Variants in TMC1 observed in about 807,000 individuals in gnomAD.
TMC1 encodes the protein transmembrane channel-like protein 1.
Under a neutral mutation model 105.8 loss-of-function variants are expected in TMC1, and 84 were observed. The ratio of observed to expected loss-of-function variants is 0.79; its 90% confidence interval spans 0.67 to 0.95. The LOEUF (loss-of-function observed/expected upper bound fraction) is 0.95. TMC1 is among the 40% of genes least tolerant of loss of function. The pLI is 0.00. For synonymous variants in TMC1, 315 were observed against 311.5 expected, an observed-to-expected ratio of 1.01 and a Z score of -0.12; for missense variants, 817 against 914.1, an observed-to-expected ratio of 0.89 and a Z score of 1.37.
At chr9:72,732,020 C>T (rs1051267117) in intron 8 of TMC1, among the ~76,000 whole-genome samples, 1 of 152,142 alleles carries the variant, frequency 6.6e-6, no homozygotes, top group African/African-American at 2.4e-5. Flanking sequence ...GGACCACATT[C>T]CTTTATCTCT....
chr9:72,659,195 A>G (rs749757325), intron 5 of TMC1, among the ~76,000 whole-genome samples: 3 of 152,174 alleles, frequency 2.0e-5, no homozygotes, highest in African/African-American at 7.2e-5. Context: ...TTTAATATAG[A>G]CTGGACTGGA....
intron 8 of TMC1, among the ~76,000 whole-genome samples, chr9:72,721,238 C>T (rs928648441): frequency 5.9e-5 from 9 of 152,158 alleles, no homozygotes; most frequent in African/African-American, 1.9e-4. Flanking sequence ...TTCCTCCTCC[C>T]CTTTCCTGCC....
intron 2 of TMC1, among the ~76,000 whole-genome samples, chr9:72,609,249 C>A (rs1011183009): frequency 7.1e-6 from 1 of 141,376 alleles, no homozygotes; most frequent in African/African-American, 2.8e-5. Context: ...TTAAAAATTC[C>A]TCAAACTGGC....
intron 1 of TMC1, among the ~76,000 whole-genome samples, chr9:72,523,758 A>G (rs761255934): frequency 2.0e-5 from 3 of 152,080 alleles, no homozygotes; most frequent in Non-Finnish European, 2.9e-5. Flanking sequence ...AAATCTTCAT[A>G]TGAGTGGACC....
chr9:72,695,722 T>A (rs1361201116), intron 7 of TMC1, among the ~76,000 whole-genome samples: 4 of 152,192 alleles, frequency 2.6e-5, no homozygotes, highest in Non-Finnish European at 5.9e-5. Flanking sequence ...ATTTGTCAAG[T>A]AGAGAAGCTT....
chr9:72,760,631 C>T (rs1471827823), intron 12 of TMC1, among the ~76,000 whole-genome samples: 2 of 152,142 alleles, frequency 1.3e-5, no homozygotes, highest in South Asian at 2.1e-4. Context: ...CACCCAGCAA[C>T]AGGATCAGCT....
chr9:72,735,244 G>T (rs765712283), intron 8 of TMC1, among the ~76,000 whole-genome samples: 1 of 152,170 alleles, frequency 6.6e-6, no homozygotes, highest in East Asian at 1.9e-4. Flanking sequence ...GGCTTTTGTT[G>T]AATGCAATTC....
chr9:72,779,934 AGAT>A (rs565458985), intron 13 of TMC1, among the ~76,000 whole-genome samples: 169 of 152,310 alleles, frequency 1.1e-3, no homozygotes, highest in African/African-American at 4.0e-3. Context: ...ATCCTATAAA[AGAT>A]GACCATCCCC....
At chr9:72,533,600 C>G (rs1028515060) in intron 1 of TMC1, among the ~76,000 whole-genome samples, 2 of 152,152 alleles carry the variant, frequency 1.3e-5, no homozygotes, top group African/African-American at 4.8e-5. Flanking sequence ...GAGACAAACT[C>G]AGGCTGGAAA....
At chr9:72,558,924 G>A (rs910933416) in intron 1 of TMC1, among the ~76,000 whole-genome samples, 4 of 149,704 alleles carry the variant, frequency 2.7e-5, no homozygotes, top group African/African-American at 9.9e-5. Context: ...ATTTTTTTTT[G>A]TTATAAGAAA....
At chr9:72,528,668 G>T (rs747227577) in intron 1 of TMC1, among the ~76,000 whole-genome samples, 5 of 152,038 alleles carry the variant, frequency 3.3e-5, no homozygotes, top group Admixed American at 1.3e-4. Context: ...ATCCAAAATG[G>T]ACTAAAACCC....
intron 15 of TMC1, among the ~76,000 whole-genome samples, chr9:72,790,949 C>T (rs147195901): frequency 2.0e-5 from 3 of 152,200 alleles, no homozygotes; most frequent in Non-Finnish European, 1.5e-5. Context: ...ATTATTCACA[C>T]CACGAAGTCC....
chr9:72,670,580 A>C (rs574552366), intron 5 of TMC1, among the ~76,000 whole-genome samples: 2 of 152,310 alleles, frequency 1.3e-5, no homozygotes. Context: ...TCAATTATAC[A>C]TAATTGCCCC....
In TMC1 at chr9:72,755,062, G is replaced by A. The variant is rs534421705; in HGVS notation, c.741+178G>A. ...AAAGAGAGAGAGAGAGAGGGAGGGA[G>A]GGAGGGAGGGAGAGAGAGAGAGAGA... On this transcript the variant is annotated intron_variant, in intron 12 of 23. Coordinates refer to ENST00000297784, the MANE Select transcript of TMC1 (RefSeq NM_138691.3). 3.4e-5 allele frequency among the ~76,000 whole-genome samples: 4 copies of A among 116,088 alleles called. No homozygotes were observed. The South Asian group carries it at 9.1e-4, about 27-fold the overall frequency. The allele number at this position is 116,088 out of a possible 152,430, so 76.2% of individuals were successfully genotyped here.
intron 10 of TMC1, among the ~76,000 whole-genome samples, chr9:72,746,749 A>G (rs1827495646): frequency 6.6e-6 from 1 of 152,134 alleles, no homozygotes; most frequent in African/African-American, 2.4e-5. Context: ...TTCTCACCTG[A>G]TGACTCCCAA....
chr9:72,539,299 G>A (rs935444016), intron 1 of TMC1, among the ~76,000 whole-genome samples: 7 of 151,902 alleles, frequency 4.6e-5, no homozygotes, highest in Non-Finnish European at 1.0e-4. Context: ...CCAGTTACTC[G>A]GGAGGCTGAG....
chr9:72,721,264 A>C (rs1342098112), intron 8 of TMC1, among the ~76,000 whole-genome samples: 1 of 152,154 alleles, frequency 6.6e-6, no homozygotes, highest in Non-Finnish European at 1.5e-5. Flanking sequence ...ACAAGATGTA[A>C]ATTCTCCTTT....
At chr9:72,823,513 A>G (rs1164043328) in intron 20 of TMC1, among the ~76,000 whole-genome samples, 1 of 152,146 alleles carries the variant, frequency 6.6e-6, no homozygotes, top group African/African-American at 2.4e-5. Context: ...TAAGATGGCT[A>G]TAGTATATTT....
intron 1 of TMC1, among the ~76,000 whole-genome samples, chr9:72,563,361 G>A (rs1325735005): frequency 1.3e-5 from 2 of 152,144 alleles, no homozygotes; most frequent in Non-Finnish European, 2.9e-5. Context: ...AGAAGCATGG[G>A]TTGGAGATTG....
Sources: allele counts gnomAD v4.1 joint callset (sites outside exome capture counted in the v4.1 genomes callset), GRCh38; gene constraint gnomAD v4.1.1; transcripts MANE v1.5; gene names NCBI Gene and HGNC (gene_info 2026-07-23, HGNC 2026-07-21).